CCDC14: variants seen among roughly 807,000 people sequenced by gnomAD.
The protein encoded by CCDC14 is coiled-coil domain-containing protein 14.
In CCDC14, 71 loss-of-function variants were observed where a neutral mutation model predicts 81.4. That is an observed-to-expected ratio of 0.87 (90% CI 0.72 to 1.06). The LOEUF (loss-of-function observed/expected upper bound fraction) is 1.06. Ranked by LOEUF, CCDC14 falls within the 50% of genes least tolerant of loss-of-function variation. The probability of loss-of-function intolerance (pLI) is 0.00; values close to 1 mark genes in which losing one functional copy is unlikely to be tolerated. For synonymous variants in CCDC14, 332 were observed against 364.8 expected, an observed-to-expected ratio of 0.91 and a Z score of 1.03; for missense variants, 1,046 against 1,047.3, an observed-to-expected ratio of 1.00 and a Z score of 0.02.
chr3:123,959,229 G>C (rs1302940573), intron 1 of CCDC14, among the ~76,000 whole-genome samples: 3 of 152,120 alleles, frequency 2.0e-5, no homozygotes, highest in Non-Finnish European at 4.4e-5. Context: ...GTTTTCCATA[G>C]CAGCTATACC....
chr3:123,886,103 A>G, the CCDC14 span, among the ~76,000 whole-genome samples: 2 of 151,802 alleles, frequency 1.3e-5, no homozygotes, highest in South Asian at 2.1e-4. Context: ...AGCTTCTTCA[A>G]TATGGCTCCT....
chr3:123,934,186 T>C (rs1228318638), intron 9 of CCDC14, among the ~76,000 whole-genome samples: 2 of 147,686 alleles, frequency 1.4e-5, no homozygotes, highest in African/African-American at 2.5e-5. Context: ...GGCAGGAGAA[T>C]TGCTTGAACC....
At chr3:123,917,243 C>T (rs1171721649) in intron 12 of CCDC14, among the ~76,000 whole-genome samples, 1 of 151,538 alleles carries the variant, frequency 6.6e-6, no homozygotes, top group Admixed American at 6.6e-5. Context: ...CCTGTAATCC[C>T]AGCACTTTGG....
chr3:123,934,270 C>CAAAAAAAAA (rs61094944), intron 9 of CCDC14, among the ~76,000 whole-genome samples: 12 of 52,290 alleles, frequency 2.3e-4, no homozygotes, highest in African/African-American at 9.3e-4. Context: ...GACTCTGCCT[C>CAAAAAAAAA]AAAAAAAAAA....
In CCDC14 at chr3:123,956,425, G is replaced by A; in HGVS notation, c.89C>T (p.Thr30Ile). Residue 30 changes from threonine to isoleucine, a missense_variant and splice_region_variant, in exon 3 of 13, where the codon ACC (threonine) becomes ATC (isoleucine). Thr to Ile is a moderately conservative substitution (Grantham distance 89). Coordinates refer to ENST00000409697, the MANE Select transcript of CCDC14 (RefSeq NM_001366335.1). ...AAAACGTGGTATTTTTCTTAAATAG[G>A]TCCTGGAAAACAAGCTTATTAATAT... is the stretch of plus-strand genomic sequence containing the variant. The part of the protein sequence containing the change: ...PAKLTNGKKA[T>I]YLRKIPRFNA... 6.5e-7 allele frequency: 1 copy of A among 1,539,458 alleles called. No individual in the cohort carries two copies.
At chr3:123,935,815 C>A (rs1425987754) in intron 9 of CCDC14, among the ~76,000 whole-genome samples, 1 of 152,202 alleles carries the variant, frequency 6.6e-6, no homozygotes, top group Non-Finnish European at 1.5e-5. Context: ...TAATAATTCA[C>A]TGCAAGCCTC....
intron 12 of CCDC14, among the ~76,000 whole-genome samples, chr3:123,917,123 G>A (rs890619644): frequency 3.3e-5 from 5 of 151,622 alleles, no homozygotes; most frequent in Non-Finnish European, 7.4e-5. Context: ...AATTACAGGC[G>A]TGAGCCACCA....
rs767620294 is a variant in CCDC14 at position 123,947,132 on chromosome 3, T to C, written c.872A>G (p.Gln291Arg). 1 of 1,613,964 alleles carries C rather than the reference T, an allele frequency of 6.2e-7. No individual in the cohort carries two copies. Among genetic ancestry groups the C allele is most frequent in the Non-Finnish European group, 8.5e-7 (1 of 1,179,864 alleles). ...TAGGTCTGTTTCCTTATGAATTCCTTGTTGTGGCAGAATTCCATTAACAAG... is the reference window on the plus strand; with the variant it reads ...TAGGTCTGTTTCCTTATGAATTCCTCGTTGTGGCAGAATTCCATTAACAAG... Reference protein sequence around the residue: ...LGLVNGILPQQGIHKETDLLK... With the variant: ...LGLVNGILPQRGIHKETDLLK... The change falls in exon 8 of 13, where the codon CAA becomes CGA. Residue 291 changes from glutamine to arginine, a missense_variant. Gln to Arg is a conservative substitution (Grantham distance 43). Coordinates refer to ENST00000409697, the MANE Select transcript of CCDC14 (RefSeq NM_001366335.1).
intron 5 of CCDC14, chr3:123,897,725 G>T: frequency 5.1e-6 from 2 of 391,572 alleles, no homozygotes; most frequent in Non-Finnish European, 7.2e-6. Context: ...AAACCTATAG[G>T]TTCTCCGTTT....
downstream of CCDC14, chr3:123,913,325 C>G: frequency 1.0e-6 from 1 of 957,272 alleles, no homozygotes. Flanking sequence ...GATGGCTGTT[C>G]CATGTTAAGG....
At chr3:123,927,656 T>C (rs1032161857) in intron 12 of CCDC14, among the ~76,000 whole-genome samples, 6 of 152,144 alleles carry the variant, frequency 3.9e-5, no homozygotes, top group Admixed American at 1.3e-4. Context: ...TGTAAAAAAC[T>C]GATAGGAAAA....
chr3:123,949,085 T>G lies in CCDC14; in HGVS notation c.400A>C (p.Ser134Arg), dbSNP rs2036854241. The G allele has an allele frequency of 6.2e-7, 1 of 1,611,998 alleles. No homozygotes were observed. The highest frequency in any genetic ancestry group is 1.1e-5 in the South Asian group (1 of 90,674). The change falls in exon 6 of 13, where the codon AGT (serine) becomes CGT (arginine). Residue 134 changes from serine to arginine, a missense_variant. Transcript: ENST00000409697. Reference protein sequence around the residue: ...KQIPNEASARSERDTSDLEQN... With the variant: ...KQIPNEASARRERDTSDLEQN... ...TCTAGGTCTGATGTGTCTCTTTCAC[T>G]TCTAGCAGAAGCTTCATTAGGTATC...
At chr3:123,950,632 T>C (rs1457486050) in intron 5 of CCDC14, among the ~76,000 whole-genome samples, 1 of 151,814 alleles carries the variant, frequency 6.6e-6, no homozygotes, top group Non-Finnish European at 1.5e-5. Context: ...GGGATGAGGG[T>C]CTAGGTGATG....
In CCDC14 at chr3:123,961,131, C is replaced by A; in HGVS notation, c.30+13G>T. Reference sequence around the variant, plus strand: ...CATCCCCACAGCGGACTCCTCAGGTCCTCAGCCCTCACCTGGCCCGGTCGA... The same window carrying A: ...CATCCCCACAGCGGACTCCTCAGGTACTCAGCCCTCACCTGGCCCGGTCGA... On this transcript the variant is annotated intron_variant, in intron 1 of 12. Coordinates refer to ENST00000409697, the MANE Select transcript of CCDC14 (RefSeq NM_001366335.1). 1 of 1,550,352 alleles carries A rather than the reference C, an allele frequency of 6.5e-7. No homozygotes were observed. Among genetic ancestry groups the A allele is most frequent in the South Asian group, 1.2e-5 (1 of 83,992 alleles).
downstream of CCDC14, among the ~76,000 whole-genome samples, chr3:123,896,004 T>C (rs1437116946): frequency 6.6e-6 from 1 of 152,228 alleles, no homozygotes; most frequent in Non-Finnish European, 1.5e-5. Context: ...ATAGCCAAGA[T>C]ACAGAATCAA....
chr3:123,951,920 T>C (rs933074029), intron 5 of CCDC14, among the ~76,000 whole-genome samples: 1 of 152,216 alleles, frequency 6.6e-6, no homozygotes, highest in African/African-American at 2.4e-5. Context: ...TACTTAACGA[T>C]ATGAAGTCTT....
intron 12 of CCDC14, among the ~76,000 whole-genome samples, chr3:123,928,769 C>T (rs2682216): frequency 0.82 from 124,211 of 152,176 alleles, 51,232 homozygotes; most frequent in African/African-American, 0.93. Context: ...ATGGAGTTGT[C>T]ACCATGGCTA....
chr3:123,913,203 C>A (rs1329718893), downstream of CCDC14, among the ~76,000 whole-genome samples: 1 of 152,156 alleles, frequency 6.6e-6, no homozygotes, highest in East Asian at 1.9e-4. Flanking sequence ...AAATACTAAG[C>A]TTCTGCTGAA....
intron 12 of CCDC14, among the ~76,000 whole-genome samples, chr3:123,921,239 AAGAC>A (rs1302257368): frequency 6.6e-6 from 1 of 152,192 alleles, no homozygotes; most frequent in African/African-American, 2.4e-5. Flanking sequence ...CTCTAATCAA[AAGAC>A]AGAGTGGGTG....
Sources: allele counts gnomAD v4.1 joint callset (sites outside exome capture counted in the v4.1 genomes callset), GRCh38; gene constraint gnomAD v4.1.1; transcripts MANE v1.5; gene names NCBI Gene and HGNC (gene_info 2026-07-23, HGNC 2026-07-21).